SPEN: variants seen among roughly 807,000 people sequenced by gnomAD.
SPEN encodes spen family transcriptional repressor.
A neutral mutation model predicts 269.9 loss-of-function variants in SPEN; 18 were observed. The ratio of observed to expected loss-of-function variants is 0.07; its 90% CI spans 0.05 to 0.10. The LOEUF (loss-of-function observed/expected upper bound fraction) is 0.10. SPEN is among the 10% of genes least tolerant of loss of function. The probability of loss-of-function intolerance (pLI) is 1.00; values close to 1 mark genes in which losing one functional copy is unlikely to be tolerated. For synonymous variants in SPEN, 1,726 were observed against 1,765.7 expected (o/e 0.98, Z 0.56); for missense variants, 3,822 against 4,631.2 (o/e 0.83, Z 5.07).
At chr1:15,895,187 G>A (rs2070829118) in intron 3 of SPEN, among the ~76,000 whole-genome samples, 1 of 152,192 alleles carries the variant, frequency 6.6e-6, no homozygotes, top group African/African-American at 2.4e-5. Flanking sequence ...CTCCCAAAGT[G>A]CTGGGATTAC....
At chr1:15,886,511 TG>T (rs2070737813) in intron 3 of SPEN, among the ~76,000 whole-genome samples, 1 of 152,106 alleles carries the variant, frequency 6.6e-6, no homozygotes, top group Admixed American at 6.6e-5. Flanking sequence ...GCGTGGTGAC[TG>T]GGCCAGGCGG....
At chr1:15,917,564 T>G (rs1281336455) in intron 6 of SPEN, 1 of 152,042 alleles carries the variant, frequency 6.6e-6, no homozygotes, top group East Asian at 1.9e-4. Flanking sequence ...TAATTTTGTA[T>G]TTTTTAGTAG....
At position 15,864,118 on chromosome 1, in the gene SPEN, C is replaced by T. The variant is rs1257310009; in HGVS notation, c.84-8698C>T. Among the ~76,000 whole-genome samples, 2 of 151,380 alleles carry T rather than the reference C, an allele frequency of 1.3e-5. 1 individual carries two copies. The highest frequency in any genetic ancestry group is 3.9e-4 in the East Asian group (2 of 5,164). Reference sequence around the variant, plus strand: ...TGTATGATATACATATATGAGGTACCTAGCTACGGTAGTCAACTCCATAAA... The same window carrying T: ...TGTATGATATACATATATGAGGTACTTAGCTACGGTAGTCAACTCCATAAA... On this transcript the variant is annotated intron_variant, in intron 1 of 14. Transcript: ENST00000375759.
At chr1:15,923,963 C>A (rs556485663) in intron 10 of SPEN, among the ~76,000 whole-genome samples, 1 of 152,160 alleles carries the variant, frequency 6.6e-6, no homozygotes, top group South Asian at 2.1e-4. Flanking sequence ...CCACCGCACC[C>A]GGCCTACCTG....
Position 15,935,507 on chromosome 1 carries a change from C to T in SPEN, c.9267C>T (p.Ser3089=). 6.2e-7 allele frequency: 1 copy of T among 1,614,110 alleles called. No individual in the cohort carries two copies. The highest frequency in any genetic ancestry group is 8.5e-7 in the Non-Finnish European group (1 of 1,180,010). ...CCCACAGCATCACCCAGACTGTGTCCCTGAGCCACCTCTCCCAGGGCGAGG... is the reference window on the plus strand; with the variant it reads ...CCCACAGCATCACCCAGACTGTGTCTCTGAGCCACCTCTCCCAGGGCGAGG... ...MPPHSITQTV[S]LSHLSQGEVR... The change falls in exon 11 of 15, where the codon TCC becomes TCT. Residue 3089 remains serine (S), a synonymous_variant. Transcript: ENST00000375759. The surrounding 1 kb of genome is among the most constrained non-coding windows in gnomAD (Gnocchi z 7.7).
chr1:15,880,753 G>A (rs1479904426), intron 3 of SPEN, among the ~76,000 whole-genome samples: 1 of 152,000 alleles, frequency 6.6e-6, no homozygotes, highest in Non-Finnish European at 1.5e-5. Flanking sequence ...CACTGTGCCC[G>A]GCCAATGATA....
At position 15,931,237 on chromosome 1, in the gene SPEN, C is replaced by T; in HGVS notation, c.4997C>T (p.Pro1666Leu). The T allele has an allele frequency of 1.9e-6, 3 of 1,614,188 alleles. No individual in the cohort carries two copies. The highest frequency in any genetic ancestry group is 2.5e-6 in the Non-Finnish European group (3 of 1,180,032). The change falls in exon 11 of 15, where the codon CCT (proline) becomes CTT (leucine). Residue 1666 changes from proline (P) to leucine (L), a missense_variant. Physicochemically the swap from Pro to Leu is moderately conservative, Grantham distance 98 (BLOSUM62 -3). Coordinates refer to ENST00000375759, the MANE Select transcript of SPEN (RefSeq NM_015001.3). The surrounding 1 kb of genome is among the most constrained non-coding windows in gnomAD (Gnocchi z 4.8). ...KTTGDKTVEAPLVTEEKTVEP... is the reference protein window; with the variant it reads ...KTTGDKTVEALLVTEEKTVEP... ...ACTGGTGACAAAACGGTAGAGGCGC[C>T]TTTGGTAACAGAAGAGAAGACTGTG...
chr1:15,906,773 C>CTTTTTTTTTTTT (rs1229092780), intron 3 of SPEN, among the ~76,000 whole-genome samples: 1 of 96,508 alleles, frequency 1.0e-5, no homozygotes, highest in African/African-American at 4.6e-5. Flanking sequence ...ATGTTTTCAT[C>CTTTTTTTTTTTT]TTTTTTTTTT....
chr1:15,896,321 A>G (rs533232516), intron 3 of SPEN, among the ~76,000 whole-genome samples: 58 of 146,340 alleles, frequency 4.0e-4, no homozygotes, highest in South Asian at 1.3e-3. Context: ...TCAGCCTCCC[A>G]CGTAGCTGGG....
At position 15,935,888 on chromosome 1, in the gene SPEN, G is replaced by A. The variant is rs1322490714; in HGVS notation, c.9648G>A (p.Val3216=). The change falls in exon 11 of 15, where the codon GTG becomes GTA. Residue 3216 remains valine (V), a synonymous_variant. Transcript: ENST00000375759. The surrounding 1 kb of genome is among the most constrained non-coding windows in gnomAD (Gnocchi z 7.7). ...VSEQPRAADG[V]VKVPPASKAP... is the part of the protein sequence containing the mutation. Reference sequence around the variant, plus strand: ...AGCAGCCCAGGGCCGCGGATGGGGTGGTGAAGGTGCCACCAGCCAGCAAGG... The same window carrying A: ...AGCAGCCCAGGGCCGCGGATGGGGTAGTGAAGGTGCCACCAGCCAGCAAGG... The A allele has an allele frequency of 1.9e-6, 3 of 1,613,174 alleles. 1 individual carries two copies. The African/African-American group carries it at 4.0e-5, about 22-fold the overall frequency.
At chr1:15,893,761 T>C (rs1305189254) in intron 3 of SPEN, among the ~76,000 whole-genome samples, 4 of 151,644 alleles carry the variant, frequency 2.6e-5, no homozygotes, top group Admixed American at 2.6e-4. Context: ...AGCAAGCCAA[T>C]TGCAGTGGCT....
At position 15,931,183 on chromosome 1, in the gene SPEN, A is replaced by T. The variant is rs760548263; in HGVS notation, c.4943A>T (p.Glu1648Val). The T allele has an allele frequency of 1.2e-6, 2 of 1,614,212 alleles. No individual in the cohort carries two copies. Among genetic ancestry groups the T allele is most frequent in the East Asian group, 4.5e-5 (2 of 44,888 alleles). The part of the protein sequence containing the change: ...GPPSVTVVTL[E>V]SAPSALEKTT... ...CCAAGTGTCACAGTCGTAACTCTAGAATCAGCCCCATCAGCACTAGAGAAG... is the reference window on the plus strand; with the variant it reads ...CCAAGTGTCACAGTCGTAACTCTAGTATCAGCCCCATCAGCACTAGAGAAG... Residue 1648 changes from glutamate (E) to valine (V), a missense_variant, in exon 11 of 15, where the codon GAA becomes GTA. Physicochemically the swap from Glu to Val is moderately radical, Grantham distance 121. Around this residue, in one of 16 missense-constraint regions of SPEN, gnomAD observed 533 missense variants for 618.8 expected, o/e 0.86. Transcript: ENST00000375759. The surrounding 1 kb of genome is among the most constrained non-coding windows in gnomAD (Gnocchi z 4.8).
In SPEN at chr1:15,930,482, G is replaced by A. The variant is rs764542295; in HGVS notation, c.4242G>A (p.Lys1414=). ...TTTTATTGAGGGACAGAGAAGACAA[G>A]CTACGTGAGCGAGATGAAAGACTCT... The part of the protein sequence containing the change: ...LSFLLRDRED[K]LRERDERLSS... Residue 1414 remains lysine, a synonymous_variant, in exon 11 of 15, where the codon AAG becomes AAA. Transcript: ENST00000375759. This position sits in a 1 kb window ranked among gnomAD's most constrained non-coding sequence, Gnocchi z 5.3. 6.8e-6 allele frequency: 11 copies of A among 1,614,104 alleles called. No homozygotes were observed. Among genetic ancestry groups the A allele is most frequent in the African/African-American group, 1.3e-5 (1 of 74,932 alleles).
rs746305617 is a variant in SPEN at position 15,895,678 on chromosome 1, C to CTT, written c.882-13625_882-13624dup. Among the ~76,000 whole-genome samples, 518 of 129,662 alleles carry CTT rather than the reference C, an allele frequency of 4.0e-3. 5 individuals are homozygous for CTT. Among genetic ancestry groups the CTT allele is most frequent in the African/African-American group, 0.012 (398 of 33,880 alleles). 85.1% of individuals were successfully genotyped at this position (129,662 alleles called of 152,430 possible). A position where few individuals can be genotyped will look rare whatever the true frequency, so the allele number is the denominator to read the frequency against. Reference sequence around the variant, plus strand: ...TCCCAAATAATTACTTATACTTAACCTTTTTTTTTTTTTTTTTTTGGAGAC... The same window carrying CTT: ...TCCCAAATAATTACTTATACTTAACCTTTTTTTTTTTTTTTTTTTTTGGAGAC... On this transcript the variant is annotated intron_variant, in intron 3 of 14. Coordinates refer to ENST00000375759, the MANE Select transcript of SPEN (RefSeq NM_015001.3).
rs554365591 is a variant in SPEN at position 15,849,056 on chromosome 1, T to C, written c.83+906T>C. On this transcript the variant is annotated intron_variant, in intron 1 of 14. Coordinates refer to ENST00000375759, the MANE Select transcript of SPEN (RefSeq NM_015001.3). ...TAAATGTTGTCGTTGATACATCTTATTGAGTAGCGTGTAGTGCGTTTTCTT... is the reference window on the plus strand; with the variant it reads ...TAAATGTTGTCGTTGATACATCTTACTGAGTAGCGTGTAGTGCGTTTTCTT... Among the ~76,000 whole-genome samples the C allele has an allele frequency of 6.9e-4, 105 of 152,328 alleles. 1 individual carries two copies. The highest frequency in any genetic ancestry group is 4.1e-3 in the South Asian group (20 of 4,826).
In SPEN at chr1:15,932,155, C is replaced by T. The variant is rs1218281963; in HGVS notation, c.5915C>T (p.Ala1972Val). ...GAGGAGAACGAGGCCAAGGAACCTG[C>T]AGAAACACTCAAGCCACCTGAGGGA... ...EEEENEAKEP[A>V]ETLKPPEGWR... The change falls in exon 11 of 15, where the codon GCA becomes GTA. Residue 1972 changes from alanine to valine, a missense_variant. Ala to Val is a moderately conservative substitution (Grantham distance 64, BLOSUM62 0). This residue lies in a region of SPEN where 533 missense variants were observed against 618.8 expected (regional missense o/e 0.86). Transcript: ENST00000375759. This position sits in a 1 kb window ranked among gnomAD's most constrained non-coding sequence, Gnocchi z 4.2. 6.2e-7 allele frequency: 1 copy of T among 1,612,636 alleles called. No homozygotes were observed. The highest frequency in any genetic ancestry group is 1.7e-5 in the Admixed American group (1 of 59,750).
rs1022850707 is a variant in SPEN at position 15,937,007 on chromosome 1, A to G, written c.10027-156A>G. On this transcript the variant is annotated intron_variant, in intron 11 of 14. Coordinates refer to ENST00000375759, the MANE Select transcript of SPEN (RefSeq NM_015001.3). This position sits in a 1 kb window ranked among gnomAD's most constrained non-coding sequence, Gnocchi z 5.7. ...ATCTCTCCTTACCTGGAACCCCGAAAGCAGCTCCGTTGATTCAGGCTCCTT... is the reference window on the plus strand; with the variant it reads ...ATCTCTCCTTACCTGGAACCCCGAAGGCAGCTCCGTTGATTCAGGCTCCTT... Among the ~76,000 whole-genome samples the G allele has an allele frequency of 6.6e-6, 1 of 152,122 alleles. No individual in the cohort carries two copies. The highest frequency in any genetic ancestry group is 2.1e-4 in the South Asian group (1 of 4,826).
Position 15,932,032 on chromosome 1 carries a change from G to C in SPEN, c.5792G>C (p.Arg1931Thr). 6.2e-7 allele frequency: 1 copy of C among 1,614,232 alleles called. No homozygotes were observed. Among genetic ancestry groups the C allele is most frequent in the Non-Finnish European group, 8.5e-7 (1 of 1,180,044 alleles). ...KEPVEQPRVT[R>T]KRLERELQEA... The stretch of plus-strand genomic sequence containing the variant: ...CCCGTTGAGCAACCAAGAGTGACCA[G>C]AAAGAGATTGGAGCGAGAGCTTCAG... Residue 1931 changes from arginine to threonine, a missense_variant, in exon 11 of 15, where the codon AGA becomes ACA. Physicochemically the swap from Arg to Thr is moderately conservative, Grantham distance 71 (BLOSUM62 -1). Transcript: ENST00000375759. This position sits in a 1 kb window ranked among gnomAD's most constrained non-coding sequence, Gnocchi z 4.2.
chr1:15,872,879 CT>C lies in SPEN; in HGVS notation c.150del (p.Phe50LeufsTer48). On this transcript the variant is annotated frameshift_variant, in exon 2 of 15. Transcript: ENST00000375759. LOFTEE classifies it high-confidence loss of function. Reference protein sequence around the residue: ...KRGSEGGVAAFVDFVDIKSAQ... With the variant: ...KRGSEGGVAAXVDFVDIKSAQ... Reference sequence around the variant, plus strand: ...GGGGATCTGAAGGAGGAGTGGCTGCCTTTGTGGATTTTGTGGACATCAAAAG... The same window carrying C: ...GGGGATCTGAAGGAGGAGTGGCTGCCTTGTGGATTTTGTGGACATCAAAAG... 1 of 1,543,230 alleles carries C rather than the reference CT, an allele frequency of 6.5e-7. No individual in the cohort carries two copies. The highest frequency in any genetic ancestry group is 2.3e-5 in the East Asian group (1 of 43,596).
Sources: gnomAD v4.1 joint callset for allele counts (sites outside exome capture counted in the v4.1 genomes callset) on GRCh38, gnomAD v4.1.1 for gene constraint, gnomAD v4.1.1 regional missense constraint, Gnocchi (gnomAD v3.1) non-coding constraint, MANE v1.5 for transcripts, NCBI Gene and HGNC (gene_info 2026-07-23, HGNC 2026-07-21) for gene names.